SLIT3: variants seen among roughly 807,000 people sequenced by gnomAD.
The protein encoded by SLIT3 is slit homolog 3 protein.
In SLIT3, 68 loss-of-function variants were observed where a neutral mutation model predicts 184.0. The observed-to-expected ratio is 0.37, with a 90% CI of 0.30 to 0.45. SLIT3 has a LOEUF of 0.45. SLIT3 is among the 20% of genes least tolerant of loss of function. The pLI, the probability that SLIT3 is intolerant of heterozygous loss-of-function variation, is 1.00. For missense variants in SLIT3, 1,707 were observed against 2,026.0 expected, an observed-to-expected ratio of 0.84 and a Z score of 3.02; for synonymous variants, 831 against 828.6, an observed-to-expected ratio of 1.00 and a Z score of -0.05.
At chr5:169,014,096 A>AAGGAAGGCAGGC (rs1756271539) in intron 4 of SLIT3, among the ~76,000 whole-genome samples, 3 of 150,216 alleles carry the variant, frequency 2.0e-5, no homozygotes, top group African/African-American at 7.4e-5. Context: ...TGTGGGAAGG[A>AAGGAAGGCAGGC]AGGCAGGCAG....
At chr5:169,194,754 T>C (rs1228298138) in intron 3 of SLIT3, among the ~76,000 whole-genome samples, 1 of 152,174 alleles carries the variant, frequency 6.6e-6, no homozygotes, top group East Asian at 1.9e-4. Context: ...TGGCTCACAT[T>C]GGATGTTGGC....
At chr5:169,147,666 C>T (rs753270309) in intron 4 of SLIT3, among the ~76,000 whole-genome samples, 2 of 152,212 alleles carry the variant, frequency 1.3e-5, no homozygotes, top group Non-Finnish European at 2.9e-5. Flanking sequence ...ATGGACTGAT[C>T]TGAGAGTTCT....
At chr5:168,973,187 C>T (rs1754637997) in intron 4 of SLIT3, among the ~76,000 whole-genome samples, 1 of 152,186 alleles carries the variant, frequency 6.6e-6, no homozygotes, top group South Asian at 2.1e-4. Flanking sequence ...GACCCATGCA[C>T]AGAAGCAAAA....
chr5:169,258,175 G>C (rs1333242846), intron 1 of SLIT3, among the ~76,000 whole-genome samples: 3 of 152,120 alleles, frequency 2.0e-5, no homozygotes, highest in South Asian at 2.1e-4. Flanking sequence ...GTAATGCTGA[G>C]ATTTGAACCT....
intron 1 of SLIT3, among the ~76,000 whole-genome samples, chr5:169,283,702 C>T (rs1236844319): frequency 6.6e-5 from 10 of 152,162 alleles, no homozygotes; most frequent in African/African-American, 2.4e-4. Context: ...TCAAACTCAG[C>T]AAAAATCCAA....
At chr5:169,160,857 A>G (rs1454280689) in intron 4 of SLIT3, among the ~76,000 whole-genome samples, 1 of 152,202 alleles carries the variant, frequency 6.6e-6, no homozygotes, top group Non-Finnish European at 1.5e-5. Context: ...TGAGGGATCC[A>G]GGTCAGCATT....
chr5:169,024,380 T>C (rs895393547), intron 4 of SLIT3: 6 of 152,162 alleles, frequency 3.9e-5, no homozygotes, highest in Non-Finnish European at 5.9e-5. Flanking sequence ...ACATGAGCCG[T>C]GGGAAGACAG....
At chr5:168,955,154 T>G (rs1235530013) in intron 4 of SLIT3, among the ~76,000 whole-genome samples, 1 of 152,148 alleles carries the variant, frequency 6.6e-6, no homozygotes, top group African/African-American at 2.4e-5. Flanking sequence ...TTAATTTTGA[T>G]GTACAGATTT....
chr5:169,145,341 G>T (rs148750942), intron 4 of SLIT3, among the ~76,000 whole-genome samples: 5 of 152,082 alleles, frequency 3.3e-5, no homozygotes, highest in Non-Finnish European at 5.9e-5. Context: ...GGGCCTTTCC[G>T]GTAGAGACAT....
intron 4 of SLIT3, among the ~76,000 whole-genome samples, chr5:168,945,727 G>A (rs1267925217): frequency 2.6e-5 from 4 of 152,176 alleles, no homozygotes; most frequent in Non-Finnish European, 2.9e-5. Context: ...GGCTAAACTC[G>A]GGTGTTTCCT....
At chr5:169,271,709 T>C (rs1766622988) in intron 1 of SLIT3, among the ~76,000 whole-genome samples, 1 of 152,208 alleles carries the variant, frequency 6.6e-6, no homozygotes, top group Admixed American at 6.5e-5. Flanking sequence ...AAGAAAGCCC[T>C]GGAAGCTACA....
intron 20 of SLIT3, among the ~76,000 whole-genome samples, chr5:168,733,157 C>T (rs1763337274): frequency 1.3e-5 from 2 of 151,222 alleles, no homozygotes; most frequent in Non-Finnish European, 2.9e-5. Context: ...TTCTCAAAAA[C>T]AGACATACAA....
At chr5:168,936,600 G>A (rs1005797010) in intron 4 of SLIT3, among the ~76,000 whole-genome samples, 5 of 152,096 alleles carry the variant, frequency 3.3e-5, no homozygotes, top group Admixed American at 6.5e-5. Flanking sequence ...GAGAAAGAAC[G>A]AATCTCCCCA....
At chr5:169,123,336 T>A (rs1760952933) in intron 4 of SLIT3, among the ~76,000 whole-genome samples, 1 of 152,034 alleles carries the variant, frequency 6.6e-6, no homozygotes, top group Non-Finnish European at 1.5e-5. Context: ...AAAGCCCACC[T>A]CCCAGTCAGT....
intron 4 of SLIT3, among the ~76,000 whole-genome samples, chr5:169,010,348 G>C (rs954631647): frequency 1.3e-5 from 2 of 152,110 alleles, no homozygotes; most frequent in African/African-American, 4.8e-5. Context: ...CAAGTCCCTA[G>C]AACTATGGCC....
At chr5:168,666,795 AAG>A (rs1761066850) in intron 35 of SLIT3, 106 bp from the exon 36 acceptor site, 3 of 1,550,698 alleles carry the variant, frequency 1.9e-6, no homozygotes, top group Non-Finnish European at 2.6e-6. Flanking sequence ...TGAAGACTGT[AAG>A]AATTTATTCA....
intron 5 of SLIT3, among the ~76,000 whole-genome samples, chr5:168,875,428 C>T (rs892864158): frequency 6.6e-6 from 1 of 151,810 alleles, no homozygotes; most frequent in Admixed American, 6.6e-5. Context: ...GGTCAGGAGT[C>T]CGAGACTAGG....
At chr5:168,825,555 G>A (rs912072612) in intron 6 of SLIT3, among the ~76,000 whole-genome samples, 19 of 152,144 alleles carry the variant, frequency 1.2e-4, no homozygotes, top group Non-Finnish European at 2.1e-4. Flanking sequence ...TACATTGCCT[G>A]CTCCTGCCTA....
chr5:169,198,177 T>G (rs956794251), intron 3 of SLIT3, among the ~76,000 whole-genome samples: 1 of 152,236 alleles, frequency 6.6e-6, no homozygotes, highest in Non-Finnish European at 1.5e-5. Context: ...ATACAGCCCC[T>G]TCTTTTAAAA....
Sources: gnomAD v4.1 joint callset for allele counts (sites outside exome capture counted in the v4.1 genomes callset) on GRCh38, gnomAD v4.1.1 for gene constraint, MANE v1.5 for transcripts, NCBI Gene and HGNC (gene_info 2026-07-23, HGNC 2026-07-21) for gene names.